TASP1: variants seen among roughly 807,000 people sequenced by gnomAD.
TASP1 encodes taspase 1, also known as threonine aspartase 1.
In TASP1, 16 loss-of-function variants were observed where a neutral mutation model predicts 56.6. That is an observed-to-expected ratio of 0.28 (90% CI 0.19 to 0.43). The LOEUF (loss-of-function observed/expected upper bound fraction) is 0.43, where lower values mean the gene tolerates loss of function less well. TASP1 is among the 20% of genes least tolerant of loss of function. The probability of loss-of-function intolerance (pLI) is 1.00; values close to 1 mark genes in which losing one functional copy is unlikely to be tolerated. For missense variants in TASP1, 393 were observed against 511.6 expected, an observed-to-expected ratio of 0.77 and a Z score of 2.24; for synonymous variants, 179 against 184.2, an observed-to-expected ratio of 0.97 and a Z score of 0.23.
At chr20:13,431,493 T>C (rs543763210) in intron 12 of TASP1, among the ~76,000 whole-genome samples, 1 of 152,188 alleles carries the variant, frequency 6.6e-6, no homozygotes, top group Non-Finnish European at 1.5e-5. Flanking sequence ...TGCTGGTTAC[T>C]GACATTATTT....
the TASP1 span, among the ~76,000 whole-genome samples, chr20:13,186,328 ATTCT>A: frequency 6.6e-6 from 1 of 152,210 alleles, no homozygotes; most frequent in Non-Finnish European, 1.5e-5. Context: ...CCAGAGCCGT[ATTCT>A]TTCTGGGAAA....
chr20:13,214,544 C>CAGAGAGAGAG, the TASP1 span, among the ~76,000 whole-genome samples: 4 of 131,996 alleles, frequency 3.0e-5, no homozygotes, highest in African/African-American at 1.0e-4. Flanking sequence ...CACACACACA[C>CAGAGAGAGAG]ACACACACAC....
chr20:13,568,030 T>C (rs949929321), intron 7 of TASP1, among the ~76,000 whole-genome samples: 1 of 152,194 alleles, frequency 6.6e-6, no homozygotes, highest in African/African-American at 2.4e-5. Context: ...ACATAATTAG[T>C]GACAGGGATC....
chr20:13,509,603 G>A (rs2044254027), intron 10 of TASP1, among the ~76,000 whole-genome samples: 1 of 151,912 alleles, frequency 6.6e-6, no homozygotes, highest in African/African-American at 2.4e-5. Flanking sequence ...ATTTCTTTAA[G>A]AAGTGTTTTG....
chr20:13,263,656 G>A, the TASP1 span, among the ~76,000 whole-genome samples: 3 of 152,160 alleles, frequency 2.0e-5, no homozygotes, highest in Admixed American at 6.5e-5. Context: ...ATAAAGCCCC[G>A]AGTGTGTTTA....
chr20:13,357,915 C>G, the TASP1 span, among the ~76,000 whole-genome samples: 2 of 152,204 alleles, frequency 1.3e-5, no homozygotes, highest in Non-Finnish European at 2.9e-5. Flanking sequence ...GCCATCGCAT[C>G]CCCTGTGACT....
At chr20:13,601,041 C>T (rs1246168378) in intron 4 of TASP1, among the ~76,000 whole-genome samples, 1 of 152,118 alleles carries the variant, frequency 6.6e-6, no homozygotes, top group East Asian at 1.9e-4. Flanking sequence ...TCTGGGAGGC[C>T]CAGACAGGAG....
chr20:13,542,019 T>C (rs558699565), intron 8 of TASP1, among the ~76,000 whole-genome samples: 7 of 138,824 alleles, frequency 5.0e-5, no homozygotes, highest in Non-Finnish European at 1.1e-4. Flanking sequence ...CCCTCCAGCC[T>C]GGGCGACAGA....
Position 13,625,169 on chromosome 20 carries a change from C to T in TASP1, c.213+16G>A. 1.3e-6 allele frequency: 2 copies of T among 1,587,798 alleles called. No homozygotes were observed. Among genetic ancestry groups the T allele is most frequent in the Non-Finnish European group, 1.7e-6 (2 of 1,167,992 alleles). ...TCAAAACTGCAATGCACAGATCATA[C>T]ACATTGTGTTCATACCTTCTGACAA... On this transcript the variant is annotated intron_variant, in intron 3 of 13. Transcript: ENST00000337743.
intron 6 of TASP1, among the ~76,000 whole-genome samples, chr20:13,571,767 T>C (rs1422088742): frequency 1.3e-5 from 2 of 152,194 alleles, no homozygotes; most frequent in Non-Finnish European, 2.9e-5. Context: ...CAAGCTCCCA[T>C]GGAATCTGAT....
chr20:13,251,854 A>C, the TASP1 span, among the ~76,000 whole-genome samples: 1 of 152,190 alleles, frequency 6.6e-6, no homozygotes, highest in Non-Finnish European at 1.5e-5. Flanking sequence ...CCGAACTCTT[A>C]GTAACTGAAT....
chr20:13,451,319 A>G (rs148935714), intron 11 of TASP1, among the ~76,000 whole-genome samples: 307 of 152,178 alleles, frequency 2.0e-3, no homozygotes, highest in Middle Eastern at 6.8e-3. Flanking sequence ...GAGAGTCAGC[A>G]TGTTCTCAGA....
chr20:13,484,502 A>C (rs1198736300), intron 10 of TASP1, among the ~76,000 whole-genome samples: 1 of 152,144 alleles, frequency 6.6e-6, no homozygotes, highest in Non-Finnish European at 1.5e-5. Flanking sequence ...TGGGAGGCCG[A>C]GGTGGGTGGA....
the TASP1 span, among the ~76,000 whole-genome samples, chr20:13,244,568 T>C: frequency 6.6e-6 from 1 of 152,154 alleles, no homozygotes; most frequent in Non-Finnish European, 1.5e-5. Context: ...TAAAAACATA[T>C]TAAAGATACT....
the TASP1 span, among the ~76,000 whole-genome samples, chr20:13,145,717 T>G: frequency 6.6e-6 from 1 of 152,124 alleles, no homozygotes; most frequent in Non-Finnish European, 1.5e-5. Context: ...GCTGGAGGCA[T>G]CATGTTACCC....
the TASP1 span, among the ~76,000 whole-genome samples, chr20:13,313,664 A>T: frequency 1.3e-5 from 2 of 152,302 alleles, no homozygotes; most frequent in Middle Eastern, 3.4e-3. Flanking sequence ...ACACCTTACC[A>T]CATCACTAAA....
At chr20:13,248,689 G>T in the TASP1 span, among the ~76,000 whole-genome samples, 1 of 152,248 alleles carries the variant, frequency 6.6e-6, no homozygotes, top group Non-Finnish European at 1.5e-5. Flanking sequence ...AAAACCCAGT[G>T]TTAGAGGGAC....
chr20:13,382,173 T>A, the TASP1 span, among the ~76,000 whole-genome samples: 133 of 152,300 alleles, frequency 8.7e-4, no homozygotes, highest in Non-Finnish European at 1.2e-3. Context: ...AGGGAGTGGG[T>A]CATGGCCCAA....
chr20:13,417,839 T>G (rs1387033088), intron 12 of TASP1, among the ~76,000 whole-genome samples: 1 of 152,184 alleles, frequency 6.6e-6, no homozygotes, highest in East Asian at 1.9e-4. Flanking sequence ...ATTTTGTAAA[T>G]GTAATATTCC....
Sources: allele counts gnomAD v4.1 joint callset (sites outside exome capture counted in the v4.1 genomes callset), GRCh38; gene constraint gnomAD v4.1.1; transcripts MANE v1.5; gene names NCBI Gene and HGNC (gene_info 2026-07-23, HGNC 2026-07-21).